The following PON1 variants were observed in gnomAD, a reference collection of about 807,000 sequenced individuals.
PON1 encodes serum paraoxonase/arylesterase 1.
PON1 carries 37 observed loss-of-function variants against 39.2 expected under a neutral mutation model. That is an observed-to-expected ratio of 0.94 (90% CI 0.73 to 1.24). PON1 has a LOEUF of 1.24. PON1 is among the 50% of genes most tolerant of loss of function. The pLI, the probability that PON1 is intolerant of heterozygous loss-of-function variation, is 0.00. For missense variants in PON1, 397 were observed against 413.5 expected, an observed-to-expected ratio of 0.96 and a Z score of 0.35; for synonymous variants, 148 against 152.2, an observed-to-expected ratio of 0.97 and a Z score of 0.21.
In PON1 at chr7:95,312,509, G is replaced by A. The variant is rs140086893; in HGVS notation, c.371-932C>T. Among the ~76,000 whole-genome samples the A allele has an allele frequency of 4.4e-3, 674 of 152,332 alleles. 12 individuals are homozygous for A. In the South Asian group the frequency reaches 0.052, roughly 12 times the overall value. ...AAGTGTTTAATTTATTTTAGTTGGC[G>A]TTAAATGCTACAAAGGAAAAATACA... is the stretch of plus-strand genomic sequence containing the variant. On this transcript the variant is annotated intron_variant, in intron 4 of 8. Coordinates refer to ENST00000222381, the MANE Select transcript of PON1 (RefSeq NM_000446.7).
intron 4 of PON1, among the ~76,000 whole-genome samples, chr7:95,312,072 C>T (rs538759516): frequency 6.6e-6 from 1 of 152,276 alleles, no homozygotes; most frequent in South Asian, 2.1e-4. Flanking sequence ...CAAAGGTGAC[C>T]AGTCTAAGCG....
intron 1 of PON1, 93 bp downstream of exon 1, chr7:95,324,309 G>A (rs572943706): frequency 1.4e-5 from 17 of 1,180,024 alleles, no homozygotes; most frequent in Admixed American, 5.2e-5. Flanking sequence ...TAAATGTTCT[G>A]TTAACAGCCT....
In PON1 at chr7:95,306,345, CA is replaced by C; in HGVS notation, c.719del (p.Leu240CysfsTer17). 5.0e-6 allele frequency: 8 copies of C among 1,611,888 alleles called. No homozygotes were observed. The highest frequency in any genetic ancestry group is 5.9e-6 in the Non-Finnish European group (7 of 1,178,286). ...PDGKYVYIAE[L>X]LAHKIHVYEK... is the part of the protein sequence containing the mutation. ...CATACACATGAATCTTATGAGCCAG[CA>C]ACTCAGCTATATAGACATACCTTCA... On this transcript the variant is annotated frameshift_variant, in exon 7 of 9. Coordinates refer to ENST00000222381, the MANE Select transcript of PON1 (RefSeq NM_000446.7). LOFTEE classifies it high-confidence loss of function.
Position 95,298,763 on chromosome 7 carries a change from T to C in PON1, c.*181A>G, listed in dbSNP as rs1807347627. The C allele has an allele frequency of 7.1e-6, 5 of 704,626 alleles. No individual in the cohort carries two copies. The highest frequency in any genetic ancestry group is 4.9e-5 in the South Asian group (3 of 61,022). 43.6% of individuals were successfully genotyped at this position (704,626 alleles called of 1,614,324 possible). A position where few individuals can be genotyped will look rare whatever the true frequency, so the allele number is the denominator to read the frequency against. On this transcript the variant is annotated 3_prime_UTR_variant, in exon 9 of 9. Coordinates refer to ENST00000222381, the MANE Select transcript of PON1 (RefSeq NM_000446.7). Reference sequence around the variant, plus strand: ...GTATTCCAAGACTGATTTGATAGTGTATTCTCAAAAAAAAGCCCTACACAT... The same window carrying C: ...GTATTCCAAGACTGATTTGATAGTGCATTCTCAAAAAAAAGCCCTACACAT...
chr7:95,298,744 C>G lies in PON1; in HGVS notation c.*200G>C. On this transcript the variant is annotated 3_prime_UTR_variant, in exon 9 of 9. Coordinates refer to ENST00000222381, the MANE Select transcript of PON1 (RefSeq NM_000446.7). ...TGGTAAATGAGGTTTTCAAGTATTC[C>G]AAGACTGATTTGATAGTGTATTCTC... 6.2e-6 allele frequency: 4 copies of G among 648,526 alleles called. No homozygotes were observed. In the South Asian group the frequency reaches 7.3e-5, roughly 12 times the overall value. The allele number at this position is 648,526 out of a possible 1,614,324, so 40.2% of individuals were successfully genotyped here.
chr7:95,314,494 A>G (rs1260162710), intron 4 of PON1, among the ~76,000 whole-genome samples: 1 of 152,174 alleles, frequency 6.6e-6, no homozygotes, highest in Non-Finnish European at 1.5e-5. Context: ...TAGCAATTTT[A>G]GCCACCCACA....
intron 8 of PON1, 128 bp from the exon 9 acceptor site, chr7:95,299,230 A>G: frequency 9.7e-7 from 1 of 1,028,258 alleles, no homozygotes. Flanking sequence ...ATTTTGTTCC[A>G]AAATTACACT....
At chr7:95,317,000 T>C (rs1487684573) in intron 2 of PON1, among the ~76,000 whole-genome samples, 2 of 152,234 alleles carry the variant, frequency 1.3e-5, no homozygotes, top group African/African-American at 2.4e-5. Flanking sequence ...TTAATTAAAA[T>C]TTACACTTAG....
intron 4 of PON1, 103 bp from the exon 5 acceptor site, chr7:95,311,680 T>A (rs1408814201): frequency 8.3e-7 from 1 of 1,211,090 alleles, no homozygotes; most frequent in African/African-American, 1.5e-5. Context: ...GTAGTTAGGA[T>A]GTCAGGCAGA....
At chr7:95,301,404 C>T (rs1313018212) in intron 8 of PON1, among the ~76,000 whole-genome samples, 1 of 152,074 alleles carries the variant, frequency 6.6e-6, no homozygotes, top group African/African-American at 2.4e-5. Context: ...TATACCGCCA[C>T]ACAGGAAGGG....
rs1563592814 is a variant in PON1, at chr7:95,298,603, C to G, written c.*341G>C. On this transcript the variant is annotated 3_prime_UTR_variant, in exon 9 of 9. Transcript: ENST00000222381. ...AGACATGGCAAGGCAGCGATACACA[C>G]ATGTGCTTCCAGGCAACACATGTTT... The G allele has an allele frequency of 7.8e-6, 3 of 382,624 alleles. No individual in the cohort carries two copies. The East Asian group carries it at 1.9e-4, about 25-fold the overall frequency. 23.7% of individuals were successfully genotyped at this position (382,624 alleles called of 1,614,324 possible). A position where few individuals can be genotyped will look rare whatever the true frequency, so the allele number is the denominator to read the frequency against.
In PON1 at chr7:95,315,458, G is replaced by T. The variant is rs1208670437; in HGVS notation, c.234C>A (p.Asn78Lys). 3 of 1,614,030 alleles carry T rather than the reference G, an allele frequency of 1.9e-6. No individual in the cohort carries two copies. The South Asian group carries it at 3.3e-5, about 18-fold the overall frequency. Reference sequence around the variant, plus strand: ...GAAGTATTTTTCCAGGACTGTTGGGGTTGAAGCTCTTTATTCCAGGATACT... The same window carrying T: ...GAAGTATTTTTCCAGGACTGTTGGGTTTGAAGCTCTTTATTCCAGGATACT... ...GLKYPGIKSF[N>K]PNSPGKILLM... is the part of the protein sequence containing the mutation. The change falls in exon 4 of 9, where the codon AAC becomes AAA. Residue 78 changes from asparagine to lysine, a missense_variant. Coordinates refer to ENST00000222381, the MANE Select transcript of PON1 (RefSeq NM_000446.7).
Position 95,304,253 on chromosome 7 carries a change from TTGC to T in PON1, c.781-1923_781-1921del, listed in dbSNP as rs3917598. ...AAATCGTACAATATTTATCCTTTTG[TTGC>T]TGGCTTATGTCATTTAGCATCATGT... On this transcript the variant is annotated intron_variant, in intron 7 of 8. Transcript: ENST00000222381. Among the ~76,000 whole-genome samples, 818 of 152,192 alleles carry T rather than the reference TTGC, an allele frequency of 5.4e-3. 7 individuals carry two copies. The highest frequency in any genetic ancestry group is 6.9e-3 in the Non-Finnish European group (467 of 68,004).
chr7:95,299,701 A>G (rs1807375546), intron 8 of PON1, among the ~76,000 whole-genome samples: 1 of 152,030 alleles, frequency 6.6e-6, no homozygotes, highest in African/African-American at 2.4e-5. Flanking sequence ...TCAGACTCCA[A>G]ATTCTTCAGT....
chr7:95,306,495 C>A (rs1807544508), intron 6 of PON1, 129 bp from the exon 7 acceptor site: 1 of 731,894 alleles, frequency 1.4e-6, no homozygotes, highest in African/African-American at 1.7e-5. Context: ...CCACCTCAAA[C>A]ACACCAAATT....
intron 4 of PON1, among the ~76,000 whole-genome samples, chr7:95,314,517 C>T: frequency 6.6e-6 from 1 of 152,058 alleles, no homozygotes; most frequent in East Asian, 1.9e-4. Flanking sequence ...GGGGAAAGTC[C>T]AGAAGAGGAA....
chr7:95,319,819 C>T (rs769058190), intron 1 of PON1, among the ~76,000 whole-genome samples: 4 of 152,092 alleles, frequency 2.6e-5, no homozygotes, highest in South Asian at 2.1e-4. Flanking sequence ...TTATATGGTG[C>T]GAACACCCAG....
At position 95,306,337 on chromosome 7, in the gene PON1, T is replaced by C. The variant is rs765474014; in HGVS notation, c.728A>G (p.His243Arg). 7 of 1,612,940 alleles carry C rather than the reference T, an allele frequency of 4.3e-6. No individual in the cohort carries two copies. The highest frequency in any genetic ancestry group is 1.1e-5 in the South Asian group (1 of 91,068). The change falls in exon 7 of 9, where the codon CAT becomes CGT. Residue 243 changes from histidine to arginine, a missense_variant. Coordinates refer to ENST00000222381, the MANE Select transcript of PON1 (RefSeq NM_000446.7). The part of the protein sequence containing the change: ...KYVYIAELLA[H>R]KIHVYEKHAN... Reference sequence around the variant, plus strand: ...ATGCTTTTCATACACATGAATCTTATGAGCCAGCAACTCAGCTATATAGAC... The same window carrying C: ...ATGCTTTTCATACACATGAATCTTACGAGCCAGCAACTCAGCTATATAGAC...
chr7:95,318,921 C>T (rs1010438417), intron 1 of PON1, among the ~76,000 whole-genome samples: 16 of 152,144 alleles, frequency 1.1e-4, no homozygotes, highest in Non-Finnish European at 2.4e-4. Flanking sequence ...GCATTTCACA[C>T]ACACAGGTGC....
Sources: allele counts gnomAD v4.1 joint callset (sites outside exome capture counted in the v4.1 genomes callset), GRCh38; gene constraint gnomAD v4.1.1; transcripts MANE v1.5; gene names NCBI Gene and HGNC (gene_info 2026-07-23, HGNC 2026-07-21).